The following IFT122 variants were observed in gnomAD, a reference collection of about 807,000 sequenced individuals.
IFT122 encodes intraflagellar transport 122, also known as intraflagellar transport protein 122 homolog.
In IFT122, 118 loss-of-function variants were observed where a neutral mutation model predicts 161.6. The observed-to-expected ratio is 0.73, with a 90% CI of 0.63 to 0.85. IFT122 has a LOEUF of 0.85. Among genes scored for constraint, IFT122 ranks in the 40% least tolerant of loss-of-function variants. The pLI is 0.00. For synonymous variants in IFT122, 550 were observed against 602.4 expected (o/e 0.91, Z 1.27); for missense variants, 1,381 against 1,579.6 (o/e 0.87, Z 2.13).
intron 21 of IFT122, among the ~76,000 whole-genome samples, chr3:129,505,935 A>C (rs994965251): frequency 3.3e-5 from 5 of 152,166 alleles, no homozygotes; most frequent in African/African-American, 1.2e-4. Flanking sequence ...TGCTCATAAA[A>C]AGGGGGATAA....
At chr3:129,476,943 T>TTA in intron 11 of IFT122, 142 bp downstream of exon 11, 8 of 905,498 alleles carry the variant, frequency 8.8e-6, no homozygotes, top group Non-Finnish European at 1.3e-5. Context: ...GTGTCTTGTT[T>TTA]TCTTTTTTTT....
At chr3:129,465,061 G>A (rs914857798) in intron 7 of IFT122, among the ~76,000 whole-genome samples, 5 of 151,664 alleles carry the variant, frequency 3.3e-5, no homozygotes, top group Non-Finnish European at 7.4e-5. Flanking sequence ...TGTGTGTGGC[G>A]TGTGTGTCTG....
intron 2 of IFT122, among the ~76,000 whole-genome samples, chr3:129,451,690 G>C (rs560964567): frequency 4.1e-4 from 63 of 152,280 alleles, no homozygotes; most frequent in South Asian, 3.7e-3. Context: ...CTCAAGGATT[G>C]GTAGTATATT....
intron 24 of IFT122, chr3:129,514,131 C>T (rs2083173832): frequency 1.8e-6 from 1 of 569,394 alleles, no homozygotes; most frequent in Non-Finnish European, 3.3e-6. Flanking sequence ...GAGCCATCAG[C>T]AGGCCCAGAG....
chr3:129,450,931 A>C (rs2074744002), intron 2 of IFT122, among the ~76,000 whole-genome samples: 1 of 151,928 alleles, frequency 6.6e-6, no homozygotes. Flanking sequence ...CGTGTTAGCC[A>C]GGATGGTCTC....
intron 3 of IFT122, among the ~76,000 whole-genome samples, chr3:129,455,525 G>GT (rs1048354737): frequency 1.2e-4 from 18 of 152,136 alleles, no homozygotes; most frequent in African/African-American, 3.9e-4. Flanking sequence ...GTAAGACATA[G>GT]TTTTTTTGTT....
chr3:129,454,857 C>T (rs68071362), intron 3 of IFT122, among the ~76,000 whole-genome samples: 20,169 of 152,092 alleles, frequency 0.13, 1,712 homozygotes, highest in South Asian at 0.24. Context: ...ACACATCTCA[C>T]TTGATGCTTC....
At chr3:129,490,050 A>G (rs1480511564) in intron 16 of IFT122, among the ~76,000 whole-genome samples, 1 of 151,984 alleles carries the variant, frequency 6.6e-6, no homozygotes, top group East Asian at 1.9e-4. Context: ...AAATATTGAG[A>G]CGGGGACTCA....
At chr3:129,507,519 C>A in intron 22 of IFT122, 149 bp from the exon 23 acceptor site, 1 of 731,960 alleles carries the variant, frequency 1.4e-6, no homozygotes, top group Non-Finnish European at 2.5e-6. Context: ...CCCCTCACTA[C>A]ACTTTGTCCC....
chr3:129,474,772 C>T (rs762587792), intron 9 of IFT122, among the ~76,000 whole-genome samples: 12 of 152,048 alleles, frequency 7.9e-5, no homozygotes, highest in Non-Finnish European at 1.6e-4. Context: ...GAAGCACCAT[C>T]AAGAAAGAGA....
intron 5 of IFT122, 123 bp from the exon 6 acceptor site, chr3:129,463,437 T>C (rs538665210): frequency 2.1e-5 from 16 of 778,272 alleles, no homozygotes; most frequent in Admixed American, 2.0e-4. Context: ...ATTATGTTTT[T>C]TCATTCAGCA....
chr3:129,474,253 C>CTT (rs2077669461), intron 9 of IFT122, among the ~76,000 whole-genome samples: 1 of 152,168 alleles, frequency 6.6e-6, no homozygotes, highest in Non-Finnish European at 1.5e-5. Context: ...TGGCTGTTCA[C>CTT]TTTAACTAGA....
At chr3:129,506,366 C>G in intron 21 of IFT122, 43 bp from the exon 22 acceptor site, 1 of 1,608,284 alleles carries the variant, frequency 6.2e-7, no homozygotes, top group Non-Finnish European at 8.5e-7. Context: ...GTGTGACTTC[C>G]TAAATAGCAT....
At chr3:129,459,301 T>C (rs112074075) in intron 4 of IFT122, 5,323 of 453,552 alleles carry the variant, frequency 0.012, 46 homozygotes, top group Non-Finnish European at 0.019. Context: ...TTGTTTTGTT[T>C]TGTTTTGAGA....
chr3:129,504,198 T>A (rs1048726112), intron 20 of IFT122, 121 bp from the exon 21 acceptor site: 2 of 808,130 alleles, frequency 2.5e-6, no homozygotes, highest in African/African-American at 1.7e-5. Context: ...GGAGGCACTC[T>A]CCCCCTCTGA....
chr3:129,486,237 A>G lies in IFT122; in HGVS notation c.1852-2020A>G, dbSNP rs139940794. On this transcript the variant is annotated intron_variant, in intron 15 of 29. Transcript: ENST00000348417. ...TGCCTGTCCCACTCACGGGGCAGTCAGCATGGCAAGCAGTTGGTGTGGTTC... is the reference window on the plus strand; with the variant it reads ...TGCCTGTCCCACTCACGGGGCAGTCGGCATGGCAAGCAGTTGGTGTGGTTC... 2.1e-4 allele frequency among the ~76,000 whole-genome samples: 32 copies of G among 152,346 alleles called. No homozygotes were observed. The East Asian group carries it at 6.0e-3, about 28-fold the overall frequency.
chr3:129,501,907 C>T (rs571804753), intron 19 of IFT122, among the ~76,000 whole-genome samples: 2 of 152,352 alleles, frequency 1.3e-5, no homozygotes, highest in East Asian at 1.9e-4. Flanking sequence ...GGATTCGTTA[C>T]AGCTGCTTCT....
rs576839699 is a variant in IFT122, at chr3:129,498,312, T to C, written c.2209-1590T>C. Among the ~76,000 whole-genome samples, 30 of 152,306 alleles carry C rather than the reference T, an allele frequency of 2.0e-4. 1 individual carries two copies. The South Asian group carries it at 5.0e-3, about 25-fold the overall frequency. Reference sequence around the variant, plus strand: ...AAGTCCCTTTGAAGGACATTTCTAGTCTCCTAAGATGCCTGTTTTCCTCCA... The same window carrying C: ...AAGTCCCTTTGAAGGACATTTCTAGCCTCCTAAGATGCCTGTTTTCCTCCA... On this transcript the variant is annotated intron_variant, in intron 18 of 29. Coordinates refer to ENST00000348417, the MANE Select transcript of IFT122 (RefSeq NM_052989.3).
intron 3 of IFT122, among the ~76,000 whole-genome samples, chr3:129,454,556 T>TGTGTGC (rs1023661478): frequency 4.1e-4 from 62 of 150,182 alleles, no homozygotes; most frequent in African/African-American, 1.5e-3. Flanking sequence ...TGTGTGTGTG[T>TGTGTGC]GCATGTTTGA....
Sources: gnomAD v4.1 joint callset for allele counts (sites outside exome capture counted in the v4.1 genomes callset) on GRCh38, gnomAD v4.1.1 for gene constraint, MANE v1.5 for transcripts, NCBI Gene and HGNC (gene_info 2026-07-23, HGNC 2026-07-21) for gene names.